TACR1: variants seen among roughly 807,000 people sequenced by gnomAD.
TACR1 encodes substance-P receptor.
TACR1 carries 25 observed loss-of-function variants against 35.8 expected under a neutral mutation model. The ratio of observed to expected loss-of-function variants is 0.70; its 90% CI spans 0.51 to 0.98. The LOEUF (loss-of-function observed/expected upper bound fraction) is 0.98, where lower values mean the gene tolerates loss of function less well. Ranked by LOEUF, TACR1 falls within the 50% of genes least tolerant of loss-of-function variation. TACR1 has a pLI of 0.00. For synonymous variants in TACR1, 195 were observed against 206.7 expected (o/e 0.94, Z 0.48); for missense variants, 478 against 522.9 (o/e 0.91, Z 0.84).
At chr2:75,135,465 A>G (rs1158752010) in intron 1 of TACR1, among the ~76,000 whole-genome samples, 2 of 152,210 alleles carry the variant, frequency 1.3e-5, no homozygotes, top group Non-Finnish European at 2.9e-5. Context: ...GCTGAAACCC[A>G]GGGTACCCAG....
intron 1 of TACR1, among the ~76,000 whole-genome samples, chr2:75,137,491 C>T (rs1228989957): frequency 6.6e-6 from 1 of 151,716 alleles, no homozygotes; most frequent in Admixed American, 6.6e-5. Context: ...TTTGGGAGGC[C>T]AAGGTGGGCG....
At chr2:75,143,191 G>A (rs1217590298) in intron 1 of TACR1, among the ~76,000 whole-genome samples, 1 of 152,148 alleles carries the variant, frequency 6.6e-6, no homozygotes, top group East Asian at 1.9e-4. Context: ...GCGAGGACAG[G>A]GTTAGAGAAA....
chr2:75,102,674 A>G (rs866917407), intron 2 of TACR1, among the ~76,000 whole-genome samples: 4 of 152,172 alleles, frequency 2.6e-5, no homozygotes, highest in Non-Finnish European at 5.9e-5. Flanking sequence ...AAGAAAAAAA[A>G]TTATTTATAT....
intron 2 of TACR1, among the ~76,000 whole-genome samples, chr2:75,100,919 CT>C (rs1159172990): frequency 6.6e-6 from 1 of 151,822 alleles, no homozygotes; most frequent in Non-Finnish European, 1.5e-5. Flanking sequence ...GAAAAAAATA[CT>C]GTTGAAATAG....
intron 2 of TACR1, among the ~76,000 whole-genome samples, chr2:75,073,382 G>A (rs921433725): frequency 1.3e-5 from 2 of 152,234 alleles, no homozygotes; most frequent in African/African-American, 4.8e-5. Flanking sequence ...ACTACCTGGT[G>A]ACCAGGGCTT....
intron 2 of TACR1, among the ~76,000 whole-genome samples, chr2:75,093,881 A>T (rs1673359706): frequency 6.6e-6 from 1 of 152,140 alleles, no homozygotes; most frequent in Non-Finnish European, 1.5e-5. Context: ...ATCCTGGGGT[A>T]TTAGAATTGA....
chr2:75,050,117 T>A (rs933682372), intron 4 of TACR1, among the ~76,000 whole-genome samples: 2 of 152,322 alleles, frequency 1.3e-5, no homozygotes, highest in South Asian at 4.1e-4. Context: ...ATATCAAGAT[T>A]CAGTCCTTCC....
intron 1 of TACR1, among the ~76,000 whole-genome samples, chr2:75,179,049 T>C (rs1296431069): frequency 1.3e-5 from 2 of 152,192 alleles, no homozygotes; most frequent in Non-Finnish European, 2.9e-5. Context: ...ATCAACTGCT[T>C]ATTCATGAAG....
chr2:75,142,965 T>C (rs1037260236), intron 1 of TACR1, among the ~76,000 whole-genome samples: 3 of 152,264 alleles, frequency 2.0e-5, no homozygotes, highest in Non-Finnish European at 4.4e-5. Context: ...TTGCTCTGGG[T>C]GCAGGGTGGA....
At chr2:75,096,036 G>A (rs749680786) in intron 2 of TACR1, among the ~76,000 whole-genome samples, 8 of 152,214 alleles carry the variant, frequency 5.3e-5, no homozygotes, top group Non-Finnish European at 1.0e-4. Flanking sequence ...TAGGATCAAG[G>A]TGAGAAATAG....
chr2:75,109,832 G>A (rs2103886257), intron 2 of TACR1, among the ~76,000 whole-genome samples: 1 of 152,242 alleles, frequency 6.6e-6, no homozygotes, highest in South Asian at 2.1e-4. Context: ...CCATAAAATG[G>A]TGAAAGAAAT....
At chr2:75,143,844 A>G (rs1326344523) in intron 1 of TACR1, among the ~76,000 whole-genome samples, 1 of 152,134 alleles carries the variant, frequency 6.6e-6, no homozygotes, top group East Asian at 1.9e-4. Context: ...AGTGGCCTGG[A>G]TTGACTGATG....
intron 2 of TACR1, among the ~76,000 whole-genome samples, chr2:75,098,857 G>A (rs1049616475): frequency 1.3e-5 from 2 of 151,688 alleles, no homozygotes; most frequent in African/African-American, 4.8e-5. Context: ...AGCCTTAATA[G>A]AACTCTGGCT....
intron 1 of TACR1, among the ~76,000 whole-genome samples, chr2:75,190,723 G>C (rs1335691356): frequency 6.6e-6 from 1 of 152,146 alleles, no homozygotes; most frequent in Non-Finnish European, 1.5e-5. Context: ...GGCCCAGATA[G>C]GTTAAATACC....
intron 2 of TACR1, among the ~76,000 whole-genome samples, chr2:75,108,562 A>T (rs1179584067): frequency 1.3e-5 from 2 of 152,194 alleles, no homozygotes; most frequent in Non-Finnish European, 2.9e-5. Flanking sequence ...ATGGTGAAGT[A>T]TTGTAGGTGT....
intron 2 of TACR1, among the ~76,000 whole-genome samples, chr2:75,115,874 T>C (rs1162768987): frequency 8.6e-6 from 1 of 116,320 alleles, no homozygotes; most frequent in Non-Finnish European, 1.6e-5. Context: ...GCCACTGCAC[T>C]CCAGCCTGGG....
intron 1 of TACR1, among the ~76,000 whole-genome samples, chr2:75,136,055 C>G (rs1364704735): frequency 6.6e-6 from 1 of 152,190 alleles, no homozygotes; most frequent in Non-Finnish European, 1.5e-5. Context: ...CAGGATTGCA[C>G]AGGCGGAGAA....
At chr2:75,073,611 G>T (rs1421761035) in intron 2 of TACR1, among the ~76,000 whole-genome samples, 2 of 152,192 alleles carry the variant, frequency 1.3e-5, no homozygotes, top group African/African-American at 4.8e-5. Context: ...GGTGTCAGGT[G>T]TCGGGTGGGC....
intron 2 of TACR1, among the ~76,000 whole-genome samples, chr2:75,085,923 A>G (rs1400906913): frequency 6.6e-6 from 1 of 152,202 alleles, no homozygotes; most frequent in Non-Finnish European, 1.5e-5. Flanking sequence ...GTATTTTTAG[A>G]GAAGCTATTG....
Sources: gnomAD v4.1 joint callset for allele counts (sites outside exome capture counted in the v4.1 genomes callset) on GRCh38, gnomAD v4.1.1 for gene constraint, MANE v1.5 for transcripts, NCBI Gene and HGNC (gene_info 2026-07-23, HGNC 2026-07-21) for gene names.